Variants in SLC8A1 observed in about 807,000 individuals in gnomAD.
SLC8A1 encodes the protein solute carrier family 8 member A1.
SLC8A1 carries 18 observed loss-of-function variants against 68.3 expected under a neutral mutation model. That is an observed-to-expected ratio of 0.26 (90% CI 0.18 to 0.39). The LOEUF (loss-of-function observed/expected upper bound fraction) is 0.39. Among genes scored for constraint, SLC8A1 ranks in the 10% least tolerant of loss-of-function variants. The pLI is 1.00. For missense variants in SLC8A1, 985 were observed against 1,156.7 expected (o/e 0.85, Z 2.15); for synonymous variants, 475 against 415.5 (o/e 1.14, Z -1.74).
At chr2:40,435,341 C>G (rs1411973419) in intron 1 of SLC8A1, among the ~76,000 whole-genome samples, 1 of 152,256 alleles carries the variant, frequency 6.6e-6, no homozygotes, top group Non-Finnish European at 1.5e-5. Flanking sequence ...TCTCATCTGA[C>G]CATCTCACCT....
chr2:40,206,600 C>T (rs992812357), intron 2 of SLC8A1, among the ~76,000 whole-genome samples: 1 of 151,940 alleles, frequency 6.6e-6, no homozygotes, highest in African/African-American at 2.4e-5. Flanking sequence ...AAATTAAAAA[C>T]AAGACCCATC....
chr2:40,148,596 T>G (rs529332129), intron 6 of SLC8A1, among the ~76,000 whole-genome samples: 19 of 152,312 alleles, frequency 1.2e-4, no homozygotes, highest in Admixed American at 3.3e-4. Flanking sequence ...GTTGTGATTT[T>G]TTAACGAGAT....
At chr2:40,164,605 C>G (rs1250474958) in intron 5 of SLC8A1, among the ~76,000 whole-genome samples, 4 of 152,170 alleles carry the variant, frequency 2.6e-5, no homozygotes, top group African/African-American at 7.2e-5. Context: ...TGGGGCACCT[C>G]TGACCTTGTG....
chr2:40,452,577 G>C (rs547787170), upstream of SLC8A1, among the ~76,000 whole-genome samples: 1 of 152,084 alleles, frequency 6.6e-6, no homozygotes, highest in African/African-American at 2.4e-5. Flanking sequence ...CTCTGACTTT[G>C]TTAATCCAAC....
chr2:40,307,170 CAAACACAT>C (rs1330319234), intron 2 of SLC8A1, among the ~76,000 whole-genome samples: 3 of 150,862 alleles, frequency 2.0e-5, no homozygotes, highest in South Asian at 4.2e-4. Flanking sequence ...CACACACACA[CAAACACAT>C]ACACACACAC....
At chr2:40,224,180 C>T (rs1241262731) in intron 2 of SLC8A1, among the ~76,000 whole-genome samples, 1 of 152,102 alleles carries the variant, frequency 6.6e-6, no homozygotes, top group East Asian at 1.9e-4. Flanking sequence ...TAGCACCATA[C>T]TCTTTTAATT....
At chr2:40,252,937 ATG>A (rs2063077432) in intron 2 of SLC8A1, among the ~76,000 whole-genome samples, 1 of 129,822 alleles carries the variant, frequency 7.7e-6, no homozygotes, top group Non-Finnish European at 1.6e-5. Context: ...ATGTATATGT[ATG>A]TACATATATA....
chr2:40,443,341 C>T (rs540695922), intron 1 of SLC8A1, among the ~76,000 whole-genome samples: 7 of 152,168 alleles, frequency 4.6e-5, no homozygotes, highest in Admixed American at 2.0e-4. Flanking sequence ...AACTAAGTAA[C>T]AGAGGACTTC....
At chr2:40,140,236 C>A (rs1399567415) in intron 6 of SLC8A1, among the ~76,000 whole-genome samples, 1 of 152,158 alleles carries the variant, frequency 6.6e-6, no homozygotes, top group Non-Finnish European at 1.5e-5. Flanking sequence ...GAATTACTTG[C>A]CAAATAATTA....
intron 1 of SLC8A1, among the ~76,000 whole-genome samples, chr2:40,445,900 G>C (rs1701346814): frequency 6.6e-6 from 1 of 152,144 alleles, no homozygotes; most frequent in Non-Finnish European, 1.5e-5. Flanking sequence ...CCCACAGTTG[G>C]GTCTCTAACA....
intron 2 of SLC8A1, among the ~76,000 whole-genome samples, chr2:40,184,695 G>T (rs2050313516): frequency 1.3e-5 from 2 of 151,948 alleles, no homozygotes; most frequent in African/African-American, 2.4e-5. Flanking sequence ...GTCAATGAAG[G>T]GCCATGTCGG....
chr2:40,217,561 A>G (rs770355822), intron 2 of SLC8A1, among the ~76,000 whole-genome samples: 2 of 152,116 alleles, frequency 1.3e-5, no homozygotes, highest in East Asian at 1.9e-4. Flanking sequence ...AACACAATAG[A>G]TGTCATCTTT....
At chr2:40,210,515 A>T (rs993240990) in intron 2 of SLC8A1, among the ~76,000 whole-genome samples, 1 of 152,220 alleles carries the variant, frequency 6.6e-6, no homozygotes, top group African/African-American at 2.4e-5. Flanking sequence ...GGGATAATTA[A>T]GAAAGTGTTA....
intron 2 of SLC8A1, among the ~76,000 whole-genome samples, chr2:40,184,154 G>A (rs975545185): frequency 7.2e-5 from 11 of 152,076 alleles, no homozygotes; most frequent in African/African-American, 2.7e-4. Context: ...CCAGAACTGC[G>A]AGACAGAGTG....
chr2:40,171,401 GT>G (rs2047467879), intron 4 of SLC8A1, among the ~76,000 whole-genome samples: 1 of 152,192 alleles, frequency 6.6e-6, no homozygotes, highest in African/African-American at 2.4e-5. Flanking sequence ...TATCTTAGAA[GT>G]TTTGGGGATC....
intron 2 of SLC8A1, among the ~76,000 whole-genome samples, chr2:40,213,941 C>T (rs1261831144): frequency 6.6e-6 from 1 of 152,096 alleles, no homozygotes. Context: ...GTAACCACAC[C>T]ACCTTTCAAT....
intron 2 of SLC8A1, among the ~76,000 whole-genome samples, chr2:40,351,251 T>C (rs1242034928): frequency 6.6e-6 from 1 of 152,150 alleles, no homozygotes; most frequent in Admixed American, 6.6e-5. Context: ...AAACTCTCAC[T>C]GAATAAATGA....
At chr2:40,380,642 T>C (rs534885369) in intron 2 of SLC8A1, among the ~76,000 whole-genome samples, 1 of 152,094 alleles carries the variant, frequency 6.6e-6, no homozygotes, top group South Asian at 2.1e-4. Context: ...ATAAAGTAGC[T>C]TACGGCAAGT....
intron 2 of SLC8A1, among the ~76,000 whole-genome samples, chr2:40,389,083 T>G (rs1385688021): frequency 7.2e-6 from 1 of 138,078 alleles, no homozygotes; most frequent in Non-Finnish European, 1.6e-5. Flanking sequence ...TTGCAGGTTT[T>G]TATACATATA....
Sources: gnomAD v4.1 joint callset for allele counts (sites outside exome capture counted in the v4.1 genomes callset) on GRCh38, gnomAD v4.1.1 for gene constraint, MANE v1.5 for transcripts, NCBI Gene and HGNC (gene_info 2026-07-23, HGNC 2026-07-21) for gene names.